Variants in GRM5 observed in about 807,000 individuals in gnomAD.
GRM5 encodes the protein glutamate metabotropic receptor 5, also known as metabotropic glutamate receptor 5.
GRM5 carries 19 observed loss-of-function variants against 83.1 expected under a neutral mutation model. That is an observed-to-expected ratio of 0.23 (90% CI 0.16 to 0.34). The LOEUF is 0.34. GRM5 is among the 10% of genes least tolerant of loss of function. The pLI is 1.00. For synonymous variants in GRM5, 675 were observed against 633.6 expected (o/e 1.07, Z -0.98); for missense variants, 1,160 against 1,588.3 (o/e 0.73, Z 4.58).
chr11:88,739,894 G>C (rs1049149008), intron 3 of GRM5, among the ~76,000 whole-genome samples: 1 of 151,948 alleles, frequency 6.6e-6, no homozygotes, highest in African/African-American at 2.4e-5. Context: ...ACAGAATATA[G>C]CACAATTTGG....
chr11:88,678,631 A>G (rs1473988892), intron 3 of GRM5, among the ~76,000 whole-genome samples: 4 of 152,140 alleles, frequency 2.6e-5, no homozygotes, highest in African/African-American at 9.6e-5. Flanking sequence ...CTTTGATGCC[A>G]TAAGAGTTGA....
intron 8 of GRM5, among the ~76,000 whole-genome samples, chr11:88,551,482 A>G (rs1942505715): frequency 6.6e-6 from 1 of 152,172 alleles, no homozygotes; most frequent in Non-Finnish European, 1.5e-5. Context: ...ATTTTCCCTG[A>G]TAGTAAAAGG....
intron 7 of GRM5, among the ~76,000 whole-genome samples, chr11:88,568,861 A>G (rs1232132970): frequency 6.6e-6 from 1 of 152,212 alleles, no homozygotes; most frequent in Non-Finnish European, 1.5e-5. Context: ...TCATTTTTAT[A>G]AGAAAACTGA....
At chr11:88,839,110 A>G (rs1944146355) in intron 3 of GRM5, among the ~76,000 whole-genome samples, 1 of 152,226 alleles carries the variant, frequency 6.6e-6, no homozygotes, top group Non-Finnish European at 1.5e-5. Flanking sequence ...TGCATTTTAT[A>G]CTATTCGTAA....
intron 2 of GRM5, among the ~76,000 whole-genome samples, chr11:88,938,996 T>C (rs1186181139): frequency 2.0e-5 from 3 of 151,818 alleles, no homozygotes; most frequent in African/African-American, 4.8e-5. Context: ...TTGCCTAAAA[T>C]GTTCTTGATT....
intron 3 of GRM5, among the ~76,000 whole-genome samples, chr11:88,756,304 G>A (rs1383032158): frequency 6.6e-6 from 1 of 152,146 alleles, no homozygotes; most frequent in African/African-American, 2.4e-5. Flanking sequence ...CTAGAACCCA[G>A]AGAAATACTC....
At chr11:88,649,283 ATG>A (rs1939562396) in intron 4 of GRM5, among the ~76,000 whole-genome samples, 1 of 52,388 alleles carries the variant, frequency 1.9e-5, no homozygotes, top group South Asian at 1.2e-3. Context: ...TATTATATAT[ATG>A]TAATACATAT....
intron 3 of GRM5, among the ~76,000 whole-genome samples, chr11:88,694,508 C>G (rs189767638): frequency 6.6e-6 from 1 of 151,366 alleles, no homozygotes; most frequent in East Asian, 1.9e-4. Flanking sequence ...GTGGAAAGAA[C>G]AGCAGGCATA....
intron 4 of GRM5, among the ~76,000 whole-genome samples, chr11:88,645,958 T>A (rs988738193): frequency 6.6e-6 from 1 of 152,098 alleles, no homozygotes; most frequent in Non-Finnish European, 1.5e-5. Flanking sequence ...TTACTTCAAC[T>A]GGGGATATAA....
At chr11:88,978,237 G>T (rs1939403241) in intron 2 of GRM5, among the ~76,000 whole-genome samples, 2 of 152,078 alleles carry the variant, frequency 1.3e-5, no homozygotes, top group African/African-American at 4.8e-5. Flanking sequence ...GTCACAAAAA[G>T]TAATAATAAT....
intron 2 of GRM5, among the ~76,000 whole-genome samples, chr11:89,000,563 G>A (rs1268528266): frequency 6.6e-6 from 1 of 152,096 alleles, no homozygotes; most frequent in Admixed American, 6.6e-5. Flanking sequence ...CTGGATCATG[G>A]ACTTAAATGT....
At chr11:89,049,387 A>G (rs1941710810) in intron 1 of GRM5, among the ~76,000 whole-genome samples, 1 of 152,190 alleles carries the variant, frequency 6.6e-6, no homozygotes, top group Non-Finnish European at 1.5e-5. Context: ...GGAATTGTGT[A>G]AGAGACTTAC....
intron 8 of GRM5, among the ~76,000 whole-genome samples, chr11:88,542,600 T>C (rs546521508): frequency 6.6e-6 from 1 of 152,292 alleles, no homozygotes; most frequent in South Asian, 2.1e-4. Flanking sequence ...GTAAATGATA[T>C]ACTTAAACAT....
At chr11:88,814,744 C>T (rs551446497) in intron 3 of GRM5, among the ~76,000 whole-genome samples, 43 of 151,636 alleles carry the variant, frequency 2.8e-4, no homozygotes, top group African/African-American at 9.7e-4. Flanking sequence ...ATCTGAATTG[C>T]AATTTAAACA....
chr11:88,784,640 T>G (rs1040510178), intron 3 of GRM5, among the ~76,000 whole-genome samples: 1 of 152,040 alleles, frequency 6.6e-6, no homozygotes, highest in African/African-American at 2.4e-5. Flanking sequence ...CCCATTCTAT[T>G]GAATAAATAC....
intron 5 of GRM5, among the ~76,000 whole-genome samples, chr11:88,598,710 TTAAG>T (rs1372277082): frequency 6.6e-6 from 1 of 152,186 alleles, no homozygotes; most frequent in Non-Finnish European, 1.5e-5. Context: ...TATATGAGCT[TTAAG>T]TATTCAAAGG....
intron 2 of GRM5, among the ~76,000 whole-genome samples, chr11:88,902,586 G>T (rs576250986): frequency 6.6e-6 from 1 of 152,240 alleles, no homozygotes; most frequent in East Asian, 1.9e-4. Flanking sequence ...CATCCAAGTT[G>T]CTCCCTGGTT....
At chr11:88,521,108 A>G (rs536380072) in intron 9 of GRM5, among the ~76,000 whole-genome samples, 3 of 152,168 alleles carry the variant, frequency 2.0e-5, no homozygotes, top group Admixed American at 2.0e-4. Flanking sequence ...CGTGGCCTAC[A>G]TCATGAGCAC....
intron 2 of GRM5, among the ~76,000 whole-genome samples, chr11:88,923,393 T>G (rs1167275079): frequency 6.6e-6 from 1 of 152,162 alleles, no homozygotes; most frequent in East Asian, 1.9e-4. Context: ...CCCTGTCATG[T>G]TCAACAGCGT....
Sources: allele counts gnomAD v4.1 joint callset (sites outside exome capture counted in the v4.1 genomes callset), GRCh38; gene constraint gnomAD v4.1.1; transcripts MANE v1.5; gene names NCBI Gene and HGNC (gene_info 2026-07-23, HGNC 2026-07-21).